Variants in ARVCF observed in about 807,000 individuals in gnomAD.
ARVCF encodes splicing regulator ARVCF.
In ARVCF, 66 loss-of-function variants were observed where a neutral mutation model predicts 90.9. That is an observed-to-expected ratio of 0.73 (90% CI 0.60 to 0.89). The LOEUF (loss-of-function observed/expected upper bound fraction) is 0.89, where lower values mean the gene tolerates loss of function less well. Among genes scored for constraint, ARVCF ranks in the 40% least tolerant of loss-of-function variants. The probability of loss-of-function intolerance (pLI) is 0.00; values close to 1 mark genes in which losing one functional copy is unlikely to be tolerated. For synonymous variants in ARVCF, 653 were observed against 603.4 expected (o/e 1.08, Z -1.21); for missense variants, 1,469 against 1,382.3 (o/e 1.06, Z -1.00).
chr22:19,972,794 C>G lies in ARVCF; in HGVS notation c.2584G>C (p.Ala862Pro). ...TCATCGAAGCCCCCAGGACTCAGTG[C>G]TCCCTTAGGCCCCTTGGCAGTAGCA... ...AAATAKGPKG[A>P]LSPGGFDDST... The change falls in exon 16 of 20, where the codon GCA (alanine) becomes CCA (proline). Residue 862 changes from alanine to proline, a missense_variant. By Grantham distance (27) the Ala-to-Pro change is conservative. Coordinates refer to ENST00000263207, the MANE Select transcript of ARVCF (RefSeq NM_001670.3). 6.2e-7 allele frequency: 1 copy of G among 1,613,582 alleles called. No homozygotes were observed. The highest frequency in any genetic ancestry group is 8.5e-7 in the Non-Finnish European group (1 of 1,179,784).
downstream of ARVCF, chr22:19,968,475 T>C (rs939191728): frequency 3.4e-5 from 52 of 1,534,742 alleles, no homozygotes; most frequent in Admixed American, 9.5e-4. Context: ...CATCCTGGTT[T>C]GGGGCAGGTT....
chr22:20,012,905 G>T (rs55902548), intron 1 of ARVCF, among the ~76,000 whole-genome samples: 29,547 of 152,272 alleles, frequency 0.19, 3,478 homozygotes, highest in African/African-American at 0.32. Context: ...TACACACTGG[G>T]CCCAGAACTG....
chr22:19,975,214 CCTCT>C (rs940063452), intron 11 of ARVCF, among the ~76,000 whole-genome samples: 1 of 152,210 alleles, frequency 6.6e-6, no homozygotes, highest in Non-Finnish European at 1.5e-5. Flanking sequence ...CCAGGACAGA[CCTCT>C]CTCTCAAGCC....
intron 18 of ARVCF, among the ~76,000 whole-genome samples, 164 bp downstream of exon 18, chr22:19,971,722 C>T (rs1319474511): frequency 6.6e-6 from 1 of 152,188 alleles, no homozygotes. Context: ...CTTGTCAGTA[C>T]CCACAGACTG....
intron 1 of ARVCF, among the ~76,000 whole-genome samples, chr22:20,014,019 T>C (rs956340578): frequency 2.0e-5 from 3 of 151,374 alleles, no homozygotes; most frequent in African/African-American, 7.3e-5. Context: ...ATTACAGGCA[T>C]ATGCCACCAG....
Position 19,979,636 on chromosome 22 carries a change from C to T in ARVCF, c.1396+107G>A, listed in dbSNP as rs553923136. The T allele has an allele frequency of 1.9e-5, 27 of 1,441,408 alleles. No homozygotes were observed. In the Admixed American group the frequency reaches 2.4e-4, roughly 13 times the overall value. 89.3% of individuals were successfully genotyped at this position (1,441,408 alleles called of 1,614,324 possible). ...TCTCAGCAGCTGCACTCCTGCCTAC[C>T]GGGTGCTTTCCCAGGCGGTCGCAGG... On this transcript the variant is annotated intron_variant, in intron 6 of 19. Transcript: ENST00000263207.
At chr22:19,996,886 G>A (rs1035960682) in intron 2 of ARVCF, among the ~76,000 whole-genome samples, 3 of 152,236 alleles carry the variant, frequency 2.0e-5, no homozygotes, top group Non-Finnish European at 4.4e-5. Flanking sequence ...TGGATGAGAC[G>A]CCATCGGGGG....
rs573897469 is a variant in ARVCF, at chr22:19,986,412, G to A, written c.210+4173C>T. Among the ~76,000 whole-genome samples the A allele has an allele frequency of 2.0e-5, 3 of 152,292 alleles. No homozygotes were observed. The South Asian group carries it at 6.2e-4, about 32-fold the overall frequency. ...CACTGCTCTGAGCAGAGGACAAACTGCCTATGCCTCCCCCCACCTCAATGC... is the reference window on the plus strand; with the variant it reads ...CACTGCTCTGAGCAGAGGACAAACTACCTATGCCTCCCCCCACCTCAATGC... On this transcript the variant is annotated intron_variant, in intron 3 of 19. Transcript: ENST00000263207.
At chr22:20,012,933 T>G (rs1052506737) in intron 1 of ARVCF, among the ~76,000 whole-genome samples, 1 of 152,208 alleles carries the variant, frequency 6.6e-6, no homozygotes, top group Non-Finnish European at 1.5e-5. Context: ...GGATGCAGCC[T>G]GGGCTGGGTA....
rs12627767 is a variant in ARVCF, at chr22:19,983,367, G to A, written c.211-1276C>T. On this transcript the variant is annotated intron_variant, in intron 3 of 19. Transcript: ENST00000263207. The stretch of plus-strand genomic sequence containing the variant: ...CAGACTCTGCCCATTCTTGGGCCTG[G>A]GAGGTGAGCCAGGTTAGATGCTCAG... 2.9e-4 allele frequency among the ~76,000 whole-genome samples: 44 copies of A among 152,354 alleles called. No homozygotes were observed. In the East Asian group the frequency reaches 5.4e-3, roughly 19 times the overall value.
rs1323358253 is a variant in ARVCF, at chr22:19,970,005, C to T, written c.*751G>A. Reference sequence around the variant, plus strand: ...TTTTCTCAGTGTTTTTCTTCTGTTTCTGAGTCACGAACAGCAGGCACTGAA... The same window carrying T: ...TTTTCTCAGTGTTTTTCTTCTGTTTTTGAGTCACGAACAGCAGGCACTGAA... On this transcript the variant is annotated 3_prime_UTR_variant, in exon 20 of 20. Coordinates refer to ENST00000263207, the MANE Select transcript of ARVCF (RefSeq NM_001670.3). The T allele has an allele frequency of 1.0e-6, 1 of 985,504 alleles. No individual in the cohort carries two copies. The allele number at this position is 985,504 out of a possible 1,614,324, so 61.0% of individuals were successfully genotyped here.
chr22:20,013,201 G>C (rs1384289236), intron 1 of ARVCF, among the ~76,000 whole-genome samples: 4 of 152,262 alleles, frequency 2.6e-5, no homozygotes, highest in African/African-American at 9.6e-5. Context: ...TCCTAGGCCT[G>C]CTGCCACCCT....
At chr22:19,976,671 G>C in intron 10 of ARVCF, 35 bp downstream of exon 10, 1 of 1,552,858 alleles carries the variant, frequency 6.4e-7, no homozygotes, top group Non-Finnish European at 8.7e-7. Context: ...CACTGCACAC[G>C]CCAGGCCTGG....
intron 2 of ARVCF, among the ~76,000 whole-genome samples, chr22:20,004,148 T>C (rs1351452130): frequency 6.6e-6 from 1 of 151,978 alleles, no homozygotes; most frequent in Non-Finnish European, 1.5e-5. Context: ...ATAGAATACA[T>C]AATACTAAAC....
rs780579245 is a variant in ARVCF at position 19,971,894 on chromosome 22, G to A, written c.2773C>T (p.Pro925Ser). ...GCCACATGACCACTTACTTTCAAGG[G>A]TTCCTTCTCAGAGGCCTCTCCTGCA... is the stretch of plus-strand genomic sequence containing the variant. ...SSAGEASEKEPLKLDPSRKAP... is the reference protein window; with the variant it reads ...SSAGEASEKESLKLDPSRKAP... The change falls in exon 18 of 20, where the codon CCC becomes TCC. Residue 925 changes from proline to serine, a missense_variant. Transcript: ENST00000263207. The A allele has an allele frequency of 1.2e-6, 2 of 1,613,348 alleles. No individual in the cohort carries two copies. The highest frequency in any genetic ancestry group is 2.2e-5 in the East Asian group (1 of 44,884).
chr22:19,987,856 A>AC (rs1267105651), intron 3 of ARVCF, among the ~76,000 whole-genome samples: 2 of 151,370 alleles, frequency 1.3e-5, no homozygotes, highest in South Asian at 2.1e-4. Context: ...CCCCGAATGC[A>AC]CCCCCACTGC....
chr22:19,966,805 C>T (rs1396063072), downstream of ARVCF, among the ~76,000 whole-genome samples: 3 of 152,114 alleles, frequency 2.0e-5, no homozygotes, highest in Non-Finnish European at 4.4e-5. Context: ...AGTGCAGTGG[C>T]GCGATCTTGG....
chr22:20,009,306 G>A (rs1989843), intron 2 of ARVCF, among the ~76,000 whole-genome samples: 95,264 of 152,132 alleles, frequency 0.63, 30,772 homozygotes, highest in African/African-American at 0.78. Flanking sequence ...CCACTAGGCT[G>A]GCCCGGCCGG....
Position 19,972,939 on chromosome 22 carries a change from T to C in ARVCF, c.2536A>G (p.Lys846Glu), listed in dbSNP as rs1942908516. ...RGTLQKDGWTKARFQSAAATA... is the reference protein window; with the variant it reads ...RGTLQKDGWTEARFQSAAATA... ...GGAAGCCGCACCTGGAAGCGCGCCT[T>C]GGTCCAACCATCTTTCTGCAAGGTA... is the stretch of plus-strand genomic sequence containing the variant. The change falls in exon 15 of 20, where the codon AAG (lysine) becomes GAG (glutamate). Residue 846 changes from lysine to glutamate, a missense_variant. By Grantham distance (56) the Lys-to-Glu change is moderately conservative. Transcript: ENST00000263207. 1.9e-6 allele frequency: 3 copies of C among 1,613,798 alleles called. No homozygotes were observed. Among genetic ancestry groups the C allele is most frequent in the Non-Finnish European group, 1.7e-6 (2 of 1,180,004 alleles).
Sources: allele counts gnomAD v4.1 joint callset (sites outside exome capture counted in the v4.1 genomes callset), GRCh38; gene constraint gnomAD v4.1.1; transcripts MANE v1.5; gene names NCBI Gene and HGNC (gene_info 2026-07-23, HGNC 2026-07-21).